The following LMNTD1 variants were observed in gnomAD, a reference collection of about 807,000 sequenced individuals.
LMNTD1 encodes the protein lamin tail domain containing 1, also known as lamin tail domain-containing protein 1.
LMNTD1 carries 35 observed loss-of-function variants against 50.9 expected under a neutral mutation model. The ratio of observed to expected loss-of-function variants is 0.69; its 90% CI spans 0.53 to 0.91. The LOEUF (loss-of-function observed/expected upper bound fraction) is 0.91. Among genes scored for constraint, LMNTD1 ranks in the 40% least tolerant of loss-of-function variants. The probability of loss-of-function intolerance (pLI) is 0.00; values close to 1 mark genes in which losing one functional copy is unlikely to be tolerated. For synonymous variants in LMNTD1, 153 were observed against 161.9 expected (o/e 0.94, Z 0.42); for missense variants, 470 against 475.5 (o/e 0.99, Z 0.11).
chr12:25,582,340 C>A (rs1565500263), intron 1 of LMNTD1: 2 of 152,168 alleles, frequency 1.3e-5, no homozygotes, highest in Non-Finnish European at 2.9e-5. Context: ...GCTTATCATC[C>A]TATGATGTAA....
intron 1 of LMNTD1, among the ~76,000 whole-genome samples, chr12:25,589,738 C>T (rs774074783): frequency 1.3e-5 from 2 of 152,200 alleles, no homozygotes; most frequent in African/African-American, 4.8e-5. Context: ...CACAAATATT[C>T]TCCACAGAAT....
chr12:25,538,287 T>A (rs1245068254), intron 4 of LMNTD1, among the ~76,000 whole-genome samples: 1 of 143,686 alleles, frequency 7.0e-6, no homozygotes, highest in African/African-American at 2.6e-5. Context: ...TCACCAAAGT[T>A]GAAATGAAGG....
intron 1 of LMNTD1, among the ~76,000 whole-genome samples, chr12:25,568,534 T>C (rs1944653770): frequency 6.6e-6 from 1 of 152,052 alleles, no homozygotes; most frequent in African/African-American, 2.4e-5. Flanking sequence ...GCCAAGACAA[T>C]AGGGAAAAGG....
intron 1 of LMNTD1, among the ~76,000 whole-genome samples, chr12:25,638,059 A>G (rs1946873623): frequency 6.6e-6 from 1 of 152,158 alleles, no homozygotes; most frequent in Admixed American, 6.5e-5. Flanking sequence ...TTAATTTAAT[A>G]TACCACATTA....
Position 25,519,587 on chromosome 12 carries a change from C to CAAAAAAAAAAAAAAAAAA in LMNTD1, c.1016+253_1016+270dup, listed in dbSNP as rs58304861. On this transcript the variant is annotated intron_variant, in intron 7 of 9. Transcript: ENST00000458174. ...TGGGTGACAGAGCGAGACTCTGTCT[C>CAAAAAAAAAAAAAAAAAA]AAAAAAAAAAAAAAAAAAAAAGTGA... Among the ~76,000 whole-genome samples, 7 of 94,708 alleles carry CAAAAAAAAAAAAAAAAAA rather than the reference C, an allele frequency of 7.4e-5. 1 individual carries two copies. The highest frequency in any genetic ancestry group is 2.5e-4 in the African/African-American group (5 of 19,942). The allele number at this position is 94,708 out of a possible 152,430, so 62.1% of individuals were successfully genotyped here.
intron 4 of LMNTD1, among the ~76,000 whole-genome samples, chr12:25,532,283 G>A (rs901895853): frequency 7.2e-5 from 11 of 152,040 alleles, no homozygotes; most frequent in Non-Finnish European, 4.4e-5. Flanking sequence ...CATCTAAGTT[G>A]GGAACAAATC....
At chr12:25,526,407 G>A (rs1941713038) in intron 5 of LMNTD1, among the ~76,000 whole-genome samples, 189 bp from the exon 6 acceptor site, 1 of 152,144 alleles carries the variant, frequency 6.6e-6, no homozygotes, top group African/African-American at 2.4e-5. Flanking sequence ...AAACGAGAAA[G>A]AGAGGACCCC....
chr12:25,546,001 A>G (rs1211999465), intron 4 of LMNTD1, among the ~76,000 whole-genome samples: 1 of 151,646 alleles, frequency 6.6e-6, no homozygotes, highest in Non-Finnish European at 1.5e-5. Context: ...GGATCAATGA[A>G]GTAAAAATTT....
At chr12:25,527,673 TATATATATACACACAC>T (rs1357894199) in intron 4 of LMNTD1, among the ~76,000 whole-genome samples, 111 of 21,420 alleles carry the variant, frequency 5.2e-3, no homozygotes, top group East Asian at 0.049. Flanking sequence ...TATATATATA[TATATATATACACACAC>T]ACACACACAC....
rs552280244 is a variant in LMNTD1, at chr12:25,559,045, TTATTA to T, written c.59-12496_59-12492del. ...TTTAATCACTATACTTCCTGCATAA[TTATTA>T]TAATTATTATTATACTTTAAGTTCT... is the stretch of plus-strand genomic sequence containing the variant. On this transcript the variant is annotated intron_variant, in intron 1 of 7. Coordinates refer to the LMNTD1 transcript ENST00000445693. 3.7e-3 allele frequency among the ~76,000 whole-genome samples: 561 copies of T among 152,088 alleles called. 5 individuals are homozygous for T. Among genetic ancestry groups the T allele is most frequent in the African/African-American group, 0.013 (546 of 41,488 alleles).
At chr12:25,609,772 G>A (rs1345602968) in intron 1 of LMNTD1, among the ~76,000 whole-genome samples, 1 of 152,194 alleles carries the variant, frequency 6.6e-6, no homozygotes, top group African/African-American at 2.4e-5. Flanking sequence ...ACTGGGAGGT[G>A]TCTCCAAGTT....
intron 6 of LMNTD1, among the ~76,000 whole-genome samples, chr12:25,521,845 A>T (rs757555526): frequency 6.6e-6 from 1 of 152,138 alleles, no homozygotes; most frequent in Non-Finnish European, 1.5e-5. Flanking sequence ...TATTAAGGAG[A>T]CCCATAAGCA....
intron 1 of LMNTD1, among the ~76,000 whole-genome samples, chr12:25,582,718 A>G (rs1242061300): frequency 4.6e-5 from 7 of 152,232 alleles, no homozygotes; most frequent in Non-Finnish European, 7.4e-5. Flanking sequence ...GATTTTCATA[A>G]TCATTTTTAT....
intron 8 of LMNTD1, among the ~76,000 whole-genome samples, chr12:25,511,914 C>A (rs189537318): frequency 2.6e-5 from 4 of 150,960 alleles, no homozygotes; most frequent in African/African-American, 9.9e-5. Flanking sequence ...GAATGCTTTG[C>A]CCCCCCTCTT....
intron 1 of LMNTD1, among the ~76,000 whole-genome samples, chr12:25,572,203 A>G (rs1313404392): frequency 1.3e-5 from 2 of 152,232 alleles, no homozygotes; most frequent in African/African-American, 4.8e-5. Context: ...TAGGTACTCA[A>G]AAACTTACAT....
chr12:25,509,127 G>A (rs1940056984), intron 8 of LMNTD1, among the ~76,000 whole-genome samples: 1 of 152,018 alleles, frequency 6.6e-6, no homozygotes, highest in Non-Finnish European at 1.5e-5. Context: ...TGTTTTTTGA[G>A]ACAGAGTTTC....
intron 1 of LMNTD1, among the ~76,000 whole-genome samples, chr12:25,643,211 T>C (rs1323361450): frequency 6.6e-6 from 1 of 152,184 alleles, no homozygotes; most frequent in Non-Finnish European, 1.5e-5. Flanking sequence ...CATTTATGAT[T>C]ATAGTGGGAT....
At chr12:25,627,629 A>T (rs1470515097) in intron 1 of LMNTD1, among the ~76,000 whole-genome samples, 1 of 150,600 alleles carries the variant, frequency 6.6e-6, no homozygotes, top group Non-Finnish European at 1.5e-5. Context: ...GTTCCTTCTG[A>T]ACGTGTGGAT....
intron 4 of LMNTD1, among the ~76,000 whole-genome samples, chr12:25,530,958 G>C (rs992792816): frequency 6.6e-6 from 1 of 152,132 alleles, no homozygotes; most frequent in Non-Finnish European, 1.5e-5. Context: ...GAGCTGCAGC[G>C]GGAGGGAAGT....
Sources: allele counts gnomAD v4.1 joint callset (sites outside exome capture counted in the v4.1 genomes callset), GRCh38; gene constraint gnomAD v4.1.1; transcripts MANE v1.5; gene names NCBI Gene and HGNC (gene_info 2026-07-23, HGNC 2026-07-21).